The following CREM variants were observed in gnomAD, a reference collection of about 807,000 sequenced individuals.
CREM encodes cAMP responsive element modulator, also known as cAMP-responsive element modulator.
Under a neutral mutation model 37.3 loss-of-function variants are expected in CREM, and 13 were observed. That is an observed-to-expected ratio of 0.35 (90% confidence interval 0.23 to 0.55). The LOEUF is 0.55. Among genes scored for constraint, CREM ranks in the 20% least tolerant of loss-of-function variants. CREM has a pLI of 0.88. For synonymous variants in CREM, 124 were observed against 120.2 expected (o/e 1.03, Z -0.21); for missense variants, 296 against 362.3 (o/e 0.82, Z 1.49).
rs534399841 is a variant in CREM, at chr10:35,134,924, G to C, written c.-54-2858G>C. ...ATGGTGGCATGCGCCTGTAATCCCA[G>C]CTACTCAGGAGGCTGAGGCATGAGA... On this transcript the variant is annotated intron_variant, in intron 1 of 7. Transcript: ENST00000685392. Among the ~76,000 whole-genome samples the C allele has an allele frequency of 3.1e-3, 467 of 152,060 alleles. 4 individuals are homozygous for C. Among genetic ancestry groups the C allele is most frequent in the Middle Eastern group, 6.8e-3 (2 of 294 alleles).
intron 3 of CREM, among the ~76,000 whole-genome samples, chr10:35,149,680 A>G (rs2092430596): frequency 1.3e-5 from 2 of 152,090 alleles, no homozygotes; most frequent in Non-Finnish European, 2.9e-5. Context: ...GGGAAACACC[A>G]GGCACTTCTT....
chr10:35,210,964 C>T (rs2095652468), intron 7 of CREM, among the ~76,000 whole-genome samples: 1 of 152,070 alleles, frequency 6.6e-6, no homozygotes, highest in African/African-American at 2.4e-5. Flanking sequence ...GGGATGTGGT[C>T]CTATTGTAGT....
intron 3 of CREM, among the ~76,000 whole-genome samples, chr10:35,152,973 C>T (rs954556547): frequency 2.6e-5 from 4 of 152,178 alleles, no homozygotes; most frequent in Non-Finnish European, 5.9e-5. Flanking sequence ...GGCATGGTGG[C>T]TCATGCCTAT....
intron 2 of CREM, among the ~76,000 whole-genome samples, chr10:35,141,887 G>C (rs1812340109): frequency 6.6e-6 from 1 of 152,184 alleles, no homozygotes; most frequent in African/African-American, 2.4e-5. Flanking sequence ...CAGATGAGAA[G>C]AGGAAAATGT....
chr10:35,166,360 G>A (rs901920129), intron 3 of CREM, among the ~76,000 whole-genome samples: 8 of 151,826 alleles, frequency 5.3e-5, no homozygotes, highest in Non-Finnish European at 1.2e-4. Flanking sequence ...GCCAGGAGTC[G>A]AGATCAGCCT....
intron 2 of CREM, among the ~76,000 whole-genome samples, chr10:35,138,423 T>C (rs2090926202): frequency 1.3e-5 from 2 of 152,202 alleles, no homozygotes; most frequent in South Asian, 4.1e-4. Context: ...CCTTTTCCAA[T>C]TGGATTCTAT....
chr10:35,134,480 G>A (rs1173422578), intron 1 of CREM, among the ~76,000 whole-genome samples: 2 of 152,202 alleles, frequency 1.3e-5, no homozygotes, highest in African/African-American at 4.8e-5. Context: ...GCCTTCCAGA[G>A]TGCTGGGATT....
chr10:35,175,641 A>G, intron 3 of CREM: 1 of 1,609,284 alleles, frequency 6.2e-7, no homozygotes. Flanking sequence ...GATAAGGAGC[A>G]TGTGTTCCTT....
rs548104680 is a variant in CREM at position 35,137,792 on chromosome 10, G to T, written c.-44G>T. 7.5e-6 allele frequency: 11 copies of T among 1,462,896 alleles called. No homozygotes were observed. Among genetic ancestry groups the T allele is most frequent in the African/African-American group, 5.7e-5 (4 of 69,720 alleles). The allele number at this position is 1,462,896 out of a possible 1,614,324, so 90.6% of individuals were successfully genotyped here. ...ATAATTTTACTGCAGGATAAATAAA[G>T]AAAACAGGAAAGGAGGAAAGCATTG... On this transcript the variant is annotated 5_prime_UTR_variant, in exon 2 of 8. Coordinates refer to ENST00000685392, the MANE Select transcript of CREM (RefSeq NM_183011.2).
chr10:35,144,296 T>G (rs2091812536), intron 2 of CREM, among the ~76,000 whole-genome samples: 1 of 152,180 alleles, frequency 6.6e-6, no homozygotes, highest in Non-Finnish European at 1.5e-5. Flanking sequence ...TTTAGCTTTG[T>G]GGGGTTGCTT....
At chr10:35,137,940 G>C (rs369265367) in intron 2 of CREM, 61 bp downstream of exon 2, 27 of 1,318,030 alleles carry the variant, frequency 2.0e-5, no homozygotes, top group African/African-American at 1.5e-4. Context: ...AGTTCATGAT[G>C]AATAAATTGA....
intron 3 of CREM, among the ~76,000 whole-genome samples, chr10:35,176,409 C>CTTTTT (rs773627501): frequency 7.5e-6 from 1 of 133,140 alleles, no homozygotes; most frequent in Non-Finnish European, 1.6e-5. Flanking sequence ...TTTTTTTCTT[C>CTTTTT]TTTTTTTTTT....
intron 6 of CREM, among the ~76,000 whole-genome samples, chr10:35,193,058 C>G (rs768623723): frequency 2.6e-5 from 4 of 152,172 alleles, no homozygotes; most frequent in Non-Finnish European, 4.4e-5. Flanking sequence ...AAGCCTTGCC[C>G]ATCCTCCACA....
intron 3 of CREM, among the ~76,000 whole-genome samples, chr10:35,158,981 A>T (rs772388384): frequency 7.3e-5 from 11 of 151,462 alleles, no homozygotes; most frequent in Non-Finnish European, 1.5e-4. Flanking sequence ...AACAAAACCA[A>T]TTTTTTTTGA....
intron 3 of CREM, among the ~76,000 whole-genome samples, chr10:35,177,464 A>G (rs1288978752): frequency 1.3e-5 from 2 of 152,040 alleles, no homozygotes; most frequent in Non-Finnish European, 2.9e-5. Flanking sequence ...GTCTATTATT[A>G]TTATTTATTA....
intron 6 of CREM, among the ~76,000 whole-genome samples, chr10:35,197,484 G>A (rs578165723): frequency 2.0e-5 from 3 of 149,496 alleles, no homozygotes; most frequent in African/African-American, 2.5e-5. Context: ...ACGGAGTCTC[G>A]CTCTGTCGCC....
intron 3 of CREM, chr10:35,171,270 C>T (rs1336714354): frequency 7.4e-6 from 1 of 135,318 alleles, no homozygotes; most frequent in Non-Finnish European, 1.5e-5. Flanking sequence ...CTCCTGGGTT[C>T]AAGAAATTCT....
chr10:35,182,507 A>G (rs2094395062), intron 5 of CREM, among the ~76,000 whole-genome samples: 2 of 151,914 alleles, frequency 1.3e-5, no homozygotes, highest in South Asian at 4.1e-4. Context: ...CCAATATTTT[A>G]TTAGTTATTT....
intron 3 of CREM, chr10:35,167,917 C>T (rs915752808): frequency 2.5e-5 from 22 of 885,628 alleles, no homozygotes; most frequent in African/African-American, 8.4e-5. Flanking sequence ...TTTGTTCTTG[C>T]GATAGTTTAC....
Sources: gnomAD v4.1 joint callset for allele counts (sites outside exome capture counted in the v4.1 genomes callset) on GRCh38, gnomAD v4.1.1 for gene constraint, MANE v1.5 for transcripts, NCBI Gene and HGNC (gene_info 2026-07-23, HGNC 2026-07-21) for gene names.